LHFPL2: variants seen among roughly 807,000 people sequenced by gnomAD.
LHFPL2 encodes the protein LHFPL tetraspan subfamily member 2 protein.
LHFPL2 carries 7 observed loss-of-function variants against 17.5 expected under a neutral mutation model. That is an observed-to-expected ratio of 0.40 (90% CI 0.23 to 0.75). The LOEUF (loss-of-function observed/expected upper bound fraction) is 0.75. LHFPL2 is among the 30% of genes least tolerant of loss of function. The pLI is 0.37. For synonymous variants in LHFPL2, 134 were observed against 116.2 expected, an observed-to-expected ratio of 1.15 and a Z score of -0.99; for missense variants, 241 against 294.8, an observed-to-expected ratio of 0.82 and a Z score of 1.34.
rs888690831 is a variant in LHFPL2 at position 78,619,528 on chromosome 5, T to C, written c.-245+12736A>G. On this transcript the variant is annotated intron_variant, in intron 2 of 4. Transcript: ENST00000380345. ...ATTTTATTATTATTATACTTTAAGT[T>C]TTAGGGTACATGTGCACAATGTGCA... Among the ~76,000 whole-genome samples the C allele has an allele frequency of 9.7e-4, 145 of 148,738 alleles. 1 individual carries two copies. Among genetic ancestry groups the C allele is most frequent in the African/African-American group, 3.3e-3 (135 of 40,896 alleles).
intron 3 of LHFPL2, 114 bp from the exon 4 acceptor site, chr5:78,510,512 C>T (rs1267119177): frequency 7.7e-6 from 3 of 387,430 alleles, no homozygotes; most frequent in Middle Eastern, 6.8e-4. Flanking sequence ...CAGCAAGCCC[C>T]GGGCCTGGCT....
intron 3 of LHFPL2, among the ~76,000 whole-genome samples, chr5:78,546,208 T>G (rs1486737615): frequency 1.3e-5 from 2 of 152,270 alleles, no homozygotes; most frequent in Non-Finnish European, 2.9e-5. Context: ...TATTCTCTTT[T>G]CTACGATAAA....
At chr5:78,574,131 C>T (rs1757070046) in intron 2 of LHFPL2, among the ~76,000 whole-genome samples, 1 of 152,204 alleles carries the variant, frequency 6.6e-6, no homozygotes, top group Admixed American at 6.5e-5. Context: ...GCATTATTTA[C>T]ATAATGTCTG....
At chr5:78,623,293 G>A (rs1205619749) in intron 2 of LHFPL2, among the ~76,000 whole-genome samples, 3 of 152,236 alleles carry the variant, frequency 2.0e-5, no homozygotes, top group Non-Finnish European at 4.4e-5. Context: ...GGAATCTTAC[G>A]AATACAGAAC....
chr5:78,523,781 T>C (rs1454898033), intron 3 of LHFPL2, among the ~76,000 whole-genome samples: 1 of 152,208 alleles, frequency 6.6e-6, no homozygotes, highest in East Asian at 1.9e-4. Context: ...GCAGTTTCAC[T>C]AGATTCTCAA....
At chr5:78,596,042 C>G (rs948670220) in intron 2 of LHFPL2, among the ~76,000 whole-genome samples, 2 of 152,088 alleles carry the variant, frequency 1.3e-5, no homozygotes, top group African/African-American at 4.8e-5. Context: ...ATATGAAAGT[C>G]AAAACATTCT....
chr5:78,548,196 G>C (rs1474088012), intron 3 of LHFPL2, among the ~76,000 whole-genome samples: 1 of 152,246 alleles, frequency 6.6e-6, no homozygotes, highest in Non-Finnish European at 1.5e-5. Context: ...GTGTTTTAAG[G>C]CCTGGATGTG....
At chr5:78,537,526 G>A (rs1458694227) in intron 3 of LHFPL2, among the ~76,000 whole-genome samples, 1 of 152,188 alleles carries the variant, frequency 6.6e-6, no homozygotes. Context: ...ACAGGCAAGG[G>A]ACCTGGAGAA....
At chr5:78,574,262 G>T (rs1290900821) in intron 2 of LHFPL2, among the ~76,000 whole-genome samples, 1 of 152,236 alleles carries the variant, frequency 6.6e-6, no homozygotes, top group Non-Finnish European at 1.5e-5. Flanking sequence ...GACGTGGGGA[G>T]GGTGCCCTCT....
chr5:78,605,866 G>A (rs1295159905), intron 2 of LHFPL2, among the ~76,000 whole-genome samples: 1 of 152,164 alleles, frequency 6.6e-6, no homozygotes, highest in South Asian at 2.1e-4. Context: ...ACAATCTGGT[G>A]TGAGGTTCTT....
At chr5:78,637,501 GC>G (rs1745496937) in intron 1 of LHFPL2, among the ~76,000 whole-genome samples, 1 of 152,188 alleles carries the variant, frequency 6.6e-6, no homozygotes, top group South Asian at 2.1e-4. Context: ...GCTCCCAACA[GC>G]TATTAAAGGC....
chr5:78,587,325 A>G (rs1005230209), intron 2 of LHFPL2, among the ~76,000 whole-genome samples: 2 of 152,258 alleles, frequency 1.3e-5, no homozygotes, highest in African/African-American at 4.8e-5. Context: ...AATGATGACA[A>G]TGGTAGACAC....
intron 2 of LHFPL2, among the ~76,000 whole-genome samples, chr5:78,581,267 A>C (rs1365371413): frequency 6.6e-6 from 1 of 152,124 alleles, no homozygotes; most frequent in Non-Finnish European, 1.5e-5. Flanking sequence ...TCTTTTCCTA[A>C]TTGAATACCC....
At chr5:78,537,427 A>C (rs1489308844) in intron 3 of LHFPL2, among the ~76,000 whole-genome samples, 2 of 152,226 alleles carry the variant, frequency 1.3e-5, no homozygotes, top group Non-Finnish European at 2.9e-5. Context: ...TTGCCAGCCC[A>C]TCCTGGCTCA....
rs1413812924 is a variant in LHFPL2, at chr5:78,487,003, C to T, written c.*1894G>A. On this transcript the variant is annotated 3_prime_UTR_variant, in exon 5 of 5. Transcript: ENST00000380345. ...AGACAGAAGCTTTGTCCAGTGGCTC[C>T]TCCAGCCTCTTTCTGTGTGGTGTTA... is the stretch of plus-strand genomic sequence containing the variant. The T allele has an allele frequency of 6.6e-6, 1 of 152,130 alleles. No individual in the cohort carries two copies. The highest frequency in any genetic ancestry group is 2.1e-4 in the South Asian group (1 of 4,830). 9.4% of individuals were successfully genotyped at this position (152,130 alleles called of 1,614,324 possible).
rs772824393 is a variant in LHFPL2 at position 78,489,074 on chromosome 5, A to AT, written c.509dup (p.Tyr170Ter). 6.2e-7 allele frequency: 1 copy of AT among 1,614,232 alleles called. No individual in the cohort carries two copies. The highest frequency in any genetic ancestry group is 1.3e-5 in the African/African-American group (1 of 75,068). ...CQKAIDYCGH[Y>*]ASAYKPGDCS... ...AGTCTCCAGGTTTGTAGGCAGATGC[A>AT]TAATGTCCACAGTAGTCTATGGCCT... Residue 170 changes from tyrosine (Y) to a stop codon, truncating the protein, a stop_gained and frameshift_variant, in exon 5 of 5, where the codon TAT becomes TAAT. Coordinates refer to ENST00000380345, the MANE Select transcript of LHFPL2 (RefSeq NM_005779.3). LOFTEE classifies it high-confidence loss of function.
intron 2 of LHFPL2, among the ~76,000 whole-genome samples, chr5:78,609,075 CAGG>C (rs1318929062): frequency 1.3e-5 from 2 of 152,124 alleles, no homozygotes; most frequent in Admixed American, 1.3e-4. Context: ...TACTCTGACT[CAGG>C]AGTTTTAATC....
chr5:78,615,796 A>G (rs1325290256), intron 2 of LHFPL2, among the ~76,000 whole-genome samples: 1 of 152,222 alleles, frequency 6.6e-6, no homozygotes. Context: ...AGAAGGTCAA[A>G]CTGAGGGATA....
intron 3 of LHFPL2, among the ~76,000 whole-genome samples, chr5:78,556,543 AT>A (rs1300063781): frequency 4.6e-5 from 7 of 152,204 alleles, no homozygotes; most frequent in Admixed American, 4.6e-4. Context: ...TCCTGGAAAT[AT>A]TTTTTATAAC....
Sources: gnomAD v4.1 joint callset for allele counts (sites outside exome capture counted in the v4.1 genomes callset) on GRCh38, gnomAD v4.1.1 for gene constraint, MANE v1.5 for transcripts, NCBI Gene and HGNC (gene_info 2026-07-23, HGNC 2026-07-21) for gene names.